Variants in NPAS3 observed in about 807,000 individuals in gnomAD.
The protein encoded by NPAS3 is neuronal PAS domain protein 3.
NPAS3 carries 14 observed loss-of-function variants against 73.1 expected under a neutral mutation model. The observed-to-expected ratio is 0.19, with a 90% CI of 0.13 to 0.30. NPAS3 has a LOEUF of 0.30. Among genes scored for constraint, NPAS3 ranks in the 10% least tolerant of loss-of-function variants. NPAS3 has a pLI of 1.00. For missense variants in NPAS3, 1,096 were observed against 1,250.0 expected (o/e 0.88, Z 1.86); for synonymous variants, 620 against 541.5 (o/e 1.14, Z -2.01).
chr14:33,541,425 G>C (rs2054513045), intron 4 of NPAS3, among the ~76,000 whole-genome samples: 1 of 152,322 alleles, frequency 6.6e-6, no homozygotes, highest in Admixed American at 6.5e-5. Flanking sequence ...ATTGGCAAGA[G>C]CAGTTGATGC....
intron 5 of NPAS3, among the ~76,000 whole-genome samples, chr14:33,637,045 T>A (rs1038408553): frequency 9.9e-5 from 15 of 152,280 alleles, no homozygotes; most frequent in African/African-American, 3.4e-4. Context: ...TTTTTCATGG[T>A]AAAAAATAAT....
At chr14:33,359,239 C>G (rs1430394073) in intron 3 of NPAS3, among the ~76,000 whole-genome samples, 1 of 152,176 alleles carries the variant, frequency 6.6e-6, no homozygotes, top group Non-Finnish European at 1.5e-5. Flanking sequence ...CCTGCAGAAC[C>G]AACGTTAGTT....
At chr14:33,502,294 T>A (rs1169960018) in intron 4 of NPAS3, among the ~76,000 whole-genome samples, 1 of 151,714 alleles carries the variant, frequency 6.6e-6, no homozygotes, top group Non-Finnish European at 1.5e-5. Flanking sequence ...ACACTTTGGC[T>A]TTTTCCTCCC....
intron 2 of NPAS3, among the ~76,000 whole-genome samples, chr14:33,162,801 A>C (rs896474968): frequency 3.3e-5 from 5 of 152,204 alleles, no homozygotes; most frequent in African/African-American, 1.2e-4. Flanking sequence ...TGTCAGAAAC[A>C]TTATTTTTCA....
chr14:33,614,185 T>C (rs1481049999), intron 5 of NPAS3, among the ~76,000 whole-genome samples: 1 of 152,202 alleles, frequency 6.6e-6, no homozygotes, highest in Non-Finnish European at 1.5e-5. Context: ...CTTCAACCAG[T>C]GGAAGTTATT....
chr14:33,125,597 T>C (rs1176587284), intron 2 of NPAS3, among the ~76,000 whole-genome samples: 1 of 152,112 alleles, frequency 6.6e-6, no homozygotes, highest in Non-Finnish European at 1.5e-5. Flanking sequence ...GAAATCCTTT[T>C]AAGAAGTTCC....
chr14:33,483,513 T>A (rs2051432191), intron 4 of NPAS3, among the ~76,000 whole-genome samples: 1 of 152,092 alleles, frequency 6.6e-6, no homozygotes, highest in Non-Finnish European at 1.5e-5. Context: ...TGGACCTGGG[T>A]TTTCATTCAG....
chr14:33,637,006 C>A (rs2058540067), intron 5 of NPAS3, among the ~76,000 whole-genome samples: 1 of 151,978 alleles, frequency 6.6e-6, no homozygotes, highest in Non-Finnish European at 1.5e-5. Context: ...TCTTTGTTTT[C>A]TTCCGGCATC....
At chr14:33,444,998 A>G (rs2049421001) in intron 4 of NPAS3, among the ~76,000 whole-genome samples, 1 of 152,220 alleles carries the variant, frequency 6.6e-6, no homozygotes, top group Admixed American at 6.5e-5. Context: ...CAACTTAAGT[A>G]TTTTTTATTT....
intron 5 of NPAS3, among the ~76,000 whole-genome samples, chr14:33,661,413 T>G (rs2140275770): frequency 6.6e-6 from 1 of 152,328 alleles, no homozygotes; most frequent in East Asian, 1.9e-4. Context: ...TTCAGACTGA[T>G]GAATCTCATT....
At chr14:33,350,755 T>C (rs1220048765) in intron 3 of NPAS3, among the ~76,000 whole-genome samples, 1 of 152,196 alleles carries the variant, frequency 6.6e-6, no homozygotes, top group Non-Finnish European at 1.5e-5. Flanking sequence ...GCTAATAAAA[T>C]TTCAGATTGA....
At chr14:33,355,029 CT>C (rs1207568537) in intron 3 of NPAS3, among the ~76,000 whole-genome samples, 3 of 151,994 alleles carry the variant, frequency 2.0e-5, no homozygotes, top group African/African-American at 7.2e-5. Flanking sequence ...CGTGTGTGAA[CT>C]GAGAACTCCT....
At chr14:33,567,930 A>T (rs753427577) in intron 5 of NPAS3, among the ~76,000 whole-genome samples, 4 of 152,218 alleles carry the variant, frequency 2.6e-5, no homozygotes, top group Admixed American at 6.5e-5. Flanking sequence ...AAACACAGGA[A>T]GTTTGTGCAC....
intron 1 of NPAS3, among the ~76,000 whole-genome samples, chr14:32,942,702 TG>T (rs1470527342): frequency 6.6e-6 from 1 of 152,206 alleles, no homozygotes; most frequent in Admixed American, 6.5e-5. Flanking sequence ...TGGTGGAGAC[TG>T]GTTTTTGGAG....
At chr14:33,684,896 G>A (rs1375840037) in intron 6 of NPAS3, among the ~76,000 whole-genome samples, 1 of 152,212 alleles carries the variant, frequency 6.6e-6, no homozygotes, top group Non-Finnish European at 1.5e-5. Context: ...TCATCAGGAG[G>A]TGGACGTGTC....
chr14:33,418,704 T>C (rs895802054), intron 4 of NPAS3, among the ~76,000 whole-genome samples: 19 of 152,076 alleles, frequency 1.2e-4, no homozygotes, highest in African/African-American at 4.1e-4. Flanking sequence ...GAGAAATGCT[T>C]AGGGAAATTC....
chr14:32,948,449 A>C (rs1030777907), intron 1 of NPAS3, among the ~76,000 whole-genome samples: 2 of 152,134 alleles, frequency 1.3e-5, no homozygotes, highest in Admixed American at 1.3e-4. Context: ...TGTTACTTGA[A>C]GTATAACCCC....
intron 4 of NPAS3, among the ~76,000 whole-genome samples, chr14:33,446,741 T>A (rs1175093802): frequency 6.6e-6 from 1 of 152,244 alleles, no homozygotes; most frequent in Non-Finnish European, 1.5e-5. Flanking sequence ...CTTTATGACT[T>A]TCTGTCAGTT....
intron 3 of NPAS3, among the ~76,000 whole-genome samples, chr14:33,252,949 G>A (rs935345486): frequency 1.3e-5 from 2 of 151,974 alleles, no homozygotes; most frequent in South Asian, 2.1e-4. Flanking sequence ...AGCTCCATCC[G>A]TGTTGCTGCA....
Sources: allele counts gnomAD v4.1 joint callset (sites outside exome capture counted in the v4.1 genomes callset), GRCh38; gene constraint gnomAD v4.1.1; transcripts MANE v1.5; gene names NCBI Gene and HGNC (gene_info 2026-07-23, HGNC 2026-07-21).